The following SELENOS variants were observed in gnomAD, a reference collection of about 807,000 sequenced individuals.
SELENOS encodes VCP interacting membrane selenoprotein.
In SELENOS, 37 loss-of-function variants were observed where a neutral mutation model predicts 30.2. The ratio of observed to expected loss-of-function variants is 1.23; its 90% CI spans 0.94 to 1.61. The LOEUF is 1.61. Among genes scored for constraint, SELENOS ranks in the 40% most tolerant of loss-of-function variants. The probability of loss-of-function intolerance (pLI) is 0.00; values close to 1 mark genes in which losing one functional copy is unlikely to be tolerated. For synonymous variants in SELENOS, 119 were observed against 91.6 expected (o/e 1.30, Z -1.71); for missense variants, 289 against 231.8 (o/e 1.25, Z -1.60).
At position 101,272,546 on chromosome 15, in the gene SELENOS, G is replaced by A. The variant is rs2141295705; in HGVS notation, c.*225C>T. The A allele has an allele frequency of 2.1e-6, 1 of 482,366 alleles. No homozygotes were observed. Among genetic ancestry groups the A allele is most frequent in the African/African-American group, 1.9e-5 (1 of 51,386 alleles). 29.9% of individuals were successfully genotyped at this position (482,366 alleles called of 1,614,324 possible). ...ACTAGCAATTAACCATGAAATCAAT[G>A]AATGCAATCACTGTCTCCAAGTAGA... is the stretch of plus-strand genomic sequence containing the variant. On this transcript the variant is annotated 3_prime_UTR_variant, in exon 6 of 6. Transcript: ENST00000526049.
intron 1 of SELENOS, chr15:101,276,945 G>C (rs1046455685): frequency 1.9e-6 from 1 of 525,016 alleles, no homozygotes; most frequent in Middle Eastern, 3.0e-4. Context: ...AGAATGAAGA[G>C]CAACTAATCT....
rs915084123 is a variant in SELENOS, at chr15:101,277,061, C to G, written c.76+281G>C. 4.8e-6 allele frequency: 3 copies of G among 630,232 alleles called. No individual in the cohort carries two copies. The African/African-American group carries it at 5.5e-5, about 12-fold the overall frequency. The allele number at this position is 630,232 out of a possible 1,614,324, so 39.0% of individuals were successfully genotyped here. A position where few individuals can be genotyped will look rare whatever the true frequency, so the allele number is the denominator to read the frequency against. On this transcript the variant is annotated intron_variant, in intron 1 of 5. Coordinates refer to ENST00000526049, the MANE Select transcript of SELENOS (RefSeq NM_018445.6). Reference sequence around the variant, plus strand: ...GTGGGACGGGTCCCAGAGGCAAACGCCAACGGCCGAGTGACCCCAGTAACT... The same window carrying G: ...GTGGGACGGGTCCCAGAGGCAAACGGCAACGGCCGAGTGACCCCAGTAACT...
At position 101,277,000 on chromosome 15, in the gene SELENOS, G is replaced by T. The variant is rs570857511; in HGVS notation, c.77-325C>A. 7.4e-6 allele frequency: 4 copies of T among 537,510 alleles called. No homozygotes were observed. The South Asian group carries it at 8.6e-5, about 12-fold the overall frequency. The allele number at this position is 537,510 out of a possible 1,614,324, so 33.3% of individuals were successfully genotyped here. A position where few individuals can be genotyped will look rare whatever the true frequency, so the allele number is the denominator to read the frequency against. On this transcript the variant is annotated intron_variant, in intron 1 of 5. Transcript: ENST00000526049. ...CTTTCAGAGCCACATAGAAAGGGGT[G>T]ACAGCGCGGGGAGTCAGGAGTGTGT... is the stretch of plus-strand genomic sequence containing the variant.
chr15:101,272,730 G>T lies in SELENOS; in HGVS notation c.*41C>A. The T allele has an allele frequency of 6.4e-7, 1 of 1,560,608 alleles. No homozygotes were observed. The highest frequency in any genetic ancestry group is 8.7e-7 in the Non-Finnish European group (1 of 1,148,376). ...TAAGGCAATTGAATCGAGGGTTAAG[G>T]GTTCATCTTGCTAATGTCAAAAGTG... On this transcript the variant is annotated 3_prime_UTR_variant, in exon 6 of 6. Transcript: ENST00000526049.
chr15:101,277,008 G>T lies in SELENOS; in HGVS notation c.77-333C>A. 17 of 539,990 alleles carry T rather than the reference G, an allele frequency of 3.1e-5. No individual in the cohort carries two copies. The South Asian group carries it at 3.6e-4, about 12-fold the overall frequency. The allele number at this position is 539,990 out of a possible 1,614,324, so 33.4% of individuals were successfully genotyped here. A position where few individuals can be genotyped will look rare whatever the true frequency, so the allele number is the denominator to read the frequency against. On this transcript the variant is annotated intron_variant, in intron 1 of 5. Transcript: ENST00000526049. ...GCCACATAGAAAGGGGTGACAGCGCGGGGAGTCAGGAGTGTGTATGGGGCT... is the reference window on the plus strand; with the variant it reads ...GCCACATAGAAAGGGGTGACAGCGCTGGGAGTCAGGAGTGTGTATGGGGCT...
intron 1 of SELENOS, 112 bp downstream of exon 1, chr15:101,277,230 G>T (rs755247373): frequency 6.7e-7 from 1 of 1,501,994 alleles, no homozygotes; most frequent in African/African-American, 1.4e-5. Flanking sequence ...ACGCCCGACC[G>T]TTCCCAGGCC....
intron 2 of SELENOS, 21 bp from the exon 3 acceptor site, chr15:101,275,382 GGA>G (rs1464280112): frequency 1.3e-6 from 2 of 1,536,662 alleles, no homozygotes; most frequent in East Asian, 2.4e-5. Context: ...AGAAAAAAAT[GGA>G]GATAAAGCAC....
In SELENOS at chr15:101,277,421, CGCCGCCGCCGCCGCCGCCCAGCCCT is replaced by C. The variant is rs1186204814; in HGVS notation, c.-29_-5del. ...GAGACTCCTCTTGGCGTTCCATGAC[CGCCGCCGCCGCCGCCGCCCAGCCCT>C]GCCGCCGCGCCTCCAGCCGGGCGCT... is the stretch of plus-strand genomic sequence containing the variant. On this transcript the variant is annotated 5_prime_UTR_variant, in exon 1 of 6. Transcript: ENST00000526049. 27 of 1,431,302 alleles carry C rather than the reference CGCCGCCGCCGCCGCCGCCCAGCCCT, an allele frequency of 1.9e-5. No homozygotes were observed. The East Asian group carries it at 4.2e-4, about 22-fold the overall frequency. 88.7% of individuals were successfully genotyped at this position (1,431,302 alleles called of 1,614,324 possible). A position where few individuals can be genotyped will look rare whatever the true frequency, so the allele number is the denominator to read the frequency against.
Position 101,272,662 on chromosome 15 carries a change from TC to T in SELENOS, c.*108del. 8.5e-7 allele frequency: 1 copy of T among 1,180,148 alleles called. No individual in the cohort carries two copies. The highest frequency in any genetic ancestry group is 1.4e-5 in the South Asian group (1 of 72,970). 73.1% of individuals were successfully genotyped at this position (1,180,148 alleles called of 1,614,324 possible). ...ATGCAGGTGTAGTTAGGAACAGAAA[TC>T]AACCCCACCTCCCCTTGGCTAGTCA... On this transcript the variant is annotated 3_prime_UTR_variant, in exon 6 of 6. Coordinates refer to ENST00000526049, the MANE Select transcript of SELENOS (RefSeq NM_018445.6).
chr15:101,274,205 G>A (rs2039298282), intron 5 of SELENOS: 2 of 610,774 alleles, frequency 3.3e-6, no homozygotes, highest in Middle Eastern at 4.4e-4. Context: ...CGGGGCTGCA[G>A]AAGGATCAAG....
chr15:101,274,309 AG>A, intron 5 of SELENOS, 110 bp downstream of exon 5: 1 of 1,248,204 alleles, frequency 8.0e-7, no homozygotes, highest in Non-Finnish European at 1.1e-6. Flanking sequence ...CACAATCCTA[AG>A]GAATTAGTCT....
At chr15:101,277,298 C>A in intron 1 of SELENOS, 44 bp downstream of exon 1, 1 of 1,510,250 alleles carries the variant, frequency 6.6e-7, no homozygotes. Context: ...GGCTGCGCGT[C>A]GCAAAAGTGG....
Position 101,276,586 on chromosome 15 carries a change from T to C in SELENOS, c.166A>G (p.Arg56Gly). Residue 56 changes from arginine to glycine, a missense_variant, in exon 2 of 6, where the codon AGA becomes GGA. Coordinates refer to ENST00000526049, the MANE Select transcript of SELENOS (RefSeq NM_018445.6). The stretch of plus-strand genomic sequence containing the variant: ...TCCAGCTGCCTCTGCCTCAAGGCTC[T>C]TAGCCGGGCGGAAAGCTTCTGAAAG... ...VVFQKLSARL[R>G]ALRQRQLDRA... The C allele has an allele frequency of 6.2e-7, 1 of 1,613,840 alleles. No individual in the cohort carries two copies. Among genetic ancestry groups the C allele is most frequent in the Middle Eastern group, 1.7e-4 (1 of 6,056 alleles).
At chr15:101,275,459 T>A in intron 2 of SELENOS, 98 bp from the exon 3 acceptor site, 1 of 968,470 alleles carries the variant, frequency 1.0e-6, no homozygotes, top group Non-Finnish European at 1.5e-6. Context: ...GAGGTATGGA[T>A]ATCAGACAAT....
rs187127982 is a variant in SELENOS at position 101,273,970 on chromosome 15, T to A, written c.484+450A>T. Among the ~76,000 whole-genome samples, 7 of 152,344 alleles carry A rather than the reference T, an allele frequency of 4.6e-5. No individual in the cohort carries two copies. In the East Asian group the frequency reaches 1.3e-3, roughly 29 times the overall value. ...AGTCCCATCTTCCCAGATTTGAAAT[T>A]CTCAGGGATGGGATGAAGACAGACT... On this transcript the variant is annotated intron_variant, in intron 5 of 5. Transcript: ENST00000526049.
chr15:101,276,925 T>C (rs116199833), intron 1 of SELENOS: 8 of 533,760 alleles, frequency 1.5e-5, no homozygotes, highest in Middle Eastern at 3.5e-4. Flanking sequence ...GCACAGCAAC[T>C]GGGTTTTGAA....
At chr15:101,272,982 C>T in intron 5 of SELENOS, 126 bp from the exon 6 acceptor site, 1 of 678,120 alleles carries the variant, frequency 1.5e-6, no homozygotes, top group Non-Finnish European at 2.3e-6. Flanking sequence ...TCCTAAGGGA[C>T]ATTTAAAAAA....
At chr15:101,275,080 C>A in intron 3 of SELENOS, 175 bp downstream of exon 3, 2 of 600,672 alleles carry the variant, frequency 3.3e-6, no homozygotes, top group Non-Finnish European at 2.9e-6. Context: ...CCCTAACAAT[C>A]GTGTATTCTT....
Position 101,274,789 on chromosome 15 carries a change from C to CA in SELENOS, c.319-109dup, listed in dbSNP as rs1358082842. ...TTTAAATGTCTTTCAGAACAAACTT[C>CA]ACCCTCGTTTTCTTTAGTTAATAAA... On this transcript the variant is annotated intron_variant, in intron 3 of 5. Transcript: ENST00000526049. 13 of 1,170,178 alleles carry CA rather than the reference C, an allele frequency of 1.1e-5. No individual in the cohort carries two copies. In the African/African-American group the frequency reaches 2.0e-4, roughly 18 times the overall value. The allele number at this position is 1,170,178 out of a possible 1,614,324, so 72.5% of individuals were successfully genotyped here.
Sources: allele counts gnomAD v4.1 joint callset (sites outside exome capture counted in the v4.1 genomes callset), GRCh38; gene constraint gnomAD v4.1.1; transcripts MANE v1.5; gene names NCBI Gene and HGNC (gene_info 2026-07-23, HGNC 2026-07-21).